TXNRD1: variants seen among roughly 807,000 people sequenced by gnomAD.
TXNRD1 encodes the protein thioredoxin reductase 1, also known as thioredoxin reductase 1, cytoplasmic.
TXNRD1 carries 57 observed loss-of-function variants against 80.3 expected under a neutral mutation model. The observed-to-expected ratio is 0.71, with a 90% CI of 0.57 to 0.89. The LOEUF (loss-of-function observed/expected upper bound fraction) is 0.89, where lower values mean the gene tolerates loss of function less well. Ranked by LOEUF, TXNRD1 falls within the 40% of genes least tolerant of loss-of-function variation. The pLI is 0.00. For missense variants in TXNRD1, 730 were observed against 803.0 expected, an observed-to-expected ratio of 0.91 and a Z score of 1.10; for synonymous variants, 291 against 285.2, an observed-to-expected ratio of 1.02 and a Z score of -0.20.
intron 7 of TXNRD1, among the ~76,000 whole-genome samples, chr12:104,316,219 T>A (rs2035319628): frequency 6.6e-6 from 1 of 151,618 alleles, no homozygotes. Context: ...TTGCTTTCTT[T>A]CATGTTGCAT....
At chr12:104,294,302 A>G (rs1022824001) in intron 4 of TXNRD1, among the ~76,000 whole-genome samples, 1 of 145,156 alleles carries the variant, frequency 6.9e-6, no homozygotes, top group African/African-American at 2.5e-5. Context: ...ACCTTTTGCT[A>G]CTGCTGGACC....
At position 104,315,853 on chromosome 12, in the gene TXNRD1, C is replaced by T; in HGVS notation, c.687C>T (p.Ala229=). Residue 229 remains alanine, a synonymous_variant, in exon 7 of 17, where the codon GCC becomes GCT. Transcript: ENST00000525566. ...ATCAAGCAGCTTTGTTAGGACAAGC[C>T]CTGCAAGACTCTCGAAATTATGGAT... ...LMHQAALLGQ[A]LQDSRNYGWK... 1 of 1,611,810 alleles carries T rather than the reference C, an allele frequency of 6.2e-7. No individual in the cohort carries two copies. The highest frequency in any genetic ancestry group is 8.5e-7 in the Non-Finnish European group (1 of 1,178,670).
At chr12:104,255,965 G>C (rs2033240377) in intron 2 of TXNRD1, among the ~76,000 whole-genome samples, 1 of 152,134 alleles carries the variant, frequency 6.6e-6, no homozygotes, top group Non-Finnish European at 1.5e-5. Context: ...GATGTCTTTG[G>C]CCATGAAAGA....
intron 16 of TXNRD1, among the ~76,000 whole-genome samples, chr12:104,344,162 G>T (rs1294746843): frequency 6.6e-6 from 1 of 152,178 alleles, no homozygotes; most frequent in African/African-American, 2.4e-5. Context: ...AATGCAACCT[G>T]TAAAGTGTGT....
intron 4 of TXNRD1, among the ~76,000 whole-genome samples, chr12:104,292,857 C>T (rs552727707): frequency 1.2e-4 from 18 of 152,120 alleles, no homozygotes; most frequent in Non-Finnish European, 2.4e-4. Context: ...GTCTTTAATA[C>T]CCAAAACATA....
intron 5 of TXNRD1, 139 bp downstream of exon 5, chr12:104,311,551 A>G: frequency 9.0e-7 from 1 of 1,111,780 alleles, no homozygotes; most frequent in East Asian, 2.6e-5. Flanking sequence ...CTTGGGCAGG[A>G]CATGGACATC....
chr12:104,312,377 G>A (rs1940450482), intron 5 of TXNRD1, among the ~76,000 whole-genome samples: 2 of 152,180 alleles, frequency 1.3e-5, no homozygotes, highest in Admixed American at 6.5e-5. Flanking sequence ...TACCCAACAG[G>A]TTCCTTTAAA....
chr12:104,316,412 C>T (rs567003741), intron 7 of TXNRD1, among the ~76,000 whole-genome samples: 64 of 152,184 alleles, frequency 4.2e-4, no homozygotes, highest in Non-Finnish European at 7.5e-4. Context: ...TTATTTGAGA[C>T]GGAGTCTCAC....
At chr12:104,304,045 C>T (rs936765410) in intron 4 of TXNRD1, 2 of 1,613,522 alleles carry the variant, frequency 1.2e-6, no homozygotes, top group Non-Finnish European at 1.7e-6. Flanking sequence ...AGGAGAAGTG[C>T]CGCAGCATCC....
chr12:104,222,521 G>C (rs897898006), intron 1 of TXNRD1, among the ~76,000 whole-genome samples: 1 of 152,218 alleles, frequency 6.6e-6, no homozygotes, highest in African/African-American at 2.4e-5. Flanking sequence ...TGCTAGTACA[G>C]TAGTTACAAA....
chr12:104,311,898 T>G (rs558643421), intron 5 of TXNRD1, among the ~76,000 whole-genome samples: 1 of 152,218 alleles, frequency 6.6e-6, no homozygotes, highest in South Asian at 2.1e-4. Flanking sequence ...GGAGAATGGC[T>G]TGAACCTTGG....
chr12:104,274,766 T>A (rs7342395), intron 3 of TXNRD1, among the ~76,000 whole-genome samples: 102,809 of 151,856 alleles, frequency 0.68, 34,974 homozygotes, highest in East Asian at 0.85. Context: ...TCATCTTAGG[T>A]TCTAATAGCT....
chr12:104,221,029 AG>A (rs2032343805), intron 1 of TXNRD1, among the ~76,000 whole-genome samples: 1 of 152,128 alleles, frequency 6.6e-6, no homozygotes, highest in South Asian at 2.1e-4. Flanking sequence ...GCACTTTGGG[AG>A]GCCCAGCTGG....
At position 104,299,947 on chromosome 12, in the gene TXNRD1, T is replaced by C. The variant is rs2034565989; in HGVS notation, c.414+10907T>C. ...GAAGGAACAGAAAAGTTTAGGGAGGTAGCTATTAGGATAAGTGTATATGTT... is the reference window on the plus strand; with the variant it reads ...GAAGGAACAGAAAAGTTTAGGGAGGCAGCTATTAGGATAAGTGTATATGTT... On this transcript the variant is annotated intron_variant, in intron 4 of 16. Transcript: ENST00000525566. Among the ~76,000 whole-genome samples the C allele has an allele frequency of 2.0e-5, 3 of 152,058 alleles. No homozygotes were observed. In the South Asian group the frequency reaches 6.2e-4, roughly 32 times the overall value.
At chr12:104,265,912 AGTG>A in intron 3 of TXNRD1, 1 of 800,372 alleles carries the variant, frequency 1.2e-6, no homozygotes, top group Non-Finnish European at 1.9e-6. Context: ...AAAAAAAAAA[AGTG>A]ATCTGGCTGG....
At chr12:104,335,670 G>A (rs920982036) in intron 15 of TXNRD1, among the ~76,000 whole-genome samples, 4 of 152,034 alleles carry the variant, frequency 2.6e-5, no homozygotes, top group African/African-American at 9.7e-5. Flanking sequence ...CTTTAATATT[G>A]ACTCTTAAGA....
At chr12:104,263,519 T>C (rs2033412396) in intron 3 of TXNRD1, among the ~76,000 whole-genome samples, 2 of 152,210 alleles carry the variant, frequency 1.3e-5, no homozygotes, top group South Asian at 4.1e-4. Context: ...ATCTTGGCTA[T>C]CCCTGTGGAT....
At chr12:104,348,332 G>T (rs778907572) in intron 16 of TXNRD1, 21 bp from the exon 17 acceptor site, 1 of 1,613,578 alleles carries the variant, frequency 6.2e-7, no homozygotes, top group Admixed American at 1.7e-5. Context: ...TGAAGATGTT[G>T]TGCTTTCTCT....
intron 1 of TXNRD1, among the ~76,000 whole-genome samples, chr12:104,220,751 A>T (rs1053096050): frequency 1.5e-5 from 2 of 136,028 alleles, no homozygotes; most frequent in Non-Finnish European, 1.6e-5. Flanking sequence ...GGTGGGGGGG[A>T]GGCGGTATTT....
Sources: gnomAD v4.1 joint callset for allele counts (sites outside exome capture counted in the v4.1 genomes callset) on GRCh38, gnomAD v4.1.1 for gene constraint, MANE v1.5 for transcripts, NCBI Gene and HGNC (gene_info 2026-07-23, HGNC 2026-07-21) for gene names.